Variants in NMNAT2 observed in about 807,000 individuals in gnomAD.
The protein encoded by NMNAT2 is nicotinamide nucleotide adenylyltransferase 2.
NMNAT2 carries 11 observed loss-of-function variants against 41.6 expected under a neutral mutation model. That is an observed-to-expected ratio of 0.26 (90% confidence interval 0.17 to 0.44). The LOEUF (loss-of-function observed/expected upper bound fraction) is 0.44. Among genes scored for constraint, NMNAT2 ranks in the 20% least tolerant of loss-of-function variants. The pLI is 1.00. For synonymous variants in NMNAT2, 148 were observed against 151.2 expected, an observed-to-expected ratio of 0.98 and a Z score of 0.16; for missense variants, 288 against 407.7, an observed-to-expected ratio of 0.71 and a Z score of 2.53.
At chr1:183,262,209 G>A (rs901164038) in intron 8 of NMNAT2, among the ~76,000 whole-genome samples, 6 of 151,876 alleles carry the variant, frequency 4.0e-5, no homozygotes, top group Non-Finnish European at 7.4e-5. Context: ...GAAATTACAG[G>A]TGTGAGCCAT....
intron 1 of NMNAT2, among the ~76,000 whole-genome samples, chr1:183,393,714 C>A (rs1219738494): frequency 1.3e-5 from 2 of 152,164 alleles, no homozygotes; most frequent in Non-Finnish European, 1.5e-5. Flanking sequence ...CACCACCACG[C>A]CCGGCTAATT....
intron 1 of NMNAT2, among the ~76,000 whole-genome samples, chr1:183,330,839 A>G (rs16860810): frequency 0.082 from 12,473 of 152,194 alleles, 536 homozygotes; most frequent in Admixed American, 0.11. Flanking sequence ...GTCCTTTCAG[A>G]TATCTAGAGT....
At chr1:183,262,869 T>G (rs748875324) in intron 8 of NMNAT2, among the ~76,000 whole-genome samples, 1 of 152,230 alleles carries the variant, frequency 6.6e-6, no homozygotes, top group Admixed American at 6.5e-5. Flanking sequence ...GGTAGGTGGC[T>G]TCTAAGCAGC....
chr1:183,259,332 C>T (rs918384958), intron 10 of NMNAT2, among the ~76,000 whole-genome samples: 6 of 152,112 alleles, frequency 3.9e-5, no homozygotes, highest in Non-Finnish European at 7.4e-5. Context: ...GGATGTTACC[C>T]TTGTGAGTGT....
chr1:183,407,313 T>C (rs1232875569), intron 1 of NMNAT2, among the ~76,000 whole-genome samples: 2 of 152,220 alleles, frequency 1.3e-5, no homozygotes, highest in African/African-American at 2.4e-5. Flanking sequence ...CTTTTCTATA[T>C]TGAGGCAAGA....
At chr1:183,410,095 G>A (rs1382563503) in intron 1 of NMNAT2, among the ~76,000 whole-genome samples, 2 of 151,580 alleles carry the variant, frequency 1.3e-5, no homozygotes, top group Non-Finnish European at 2.9e-5. Flanking sequence ...GATCACCTGA[G>A]GTCAGGAGTT....
intron 10 of NMNAT2, among the ~76,000 whole-genome samples, chr1:183,260,202 G>T (rs978534102): frequency 1.3e-5 from 2 of 152,186 alleles, no homozygotes; most frequent in Non-Finnish European, 2.9e-5. Context: ...TCACCTTAAA[G>T]ACAAAGCTTC....
chr1:183,389,740 GAAAGAAAGAAAGAAAGA>G (rs1648383820), intron 1 of NMNAT2, among the ~76,000 whole-genome samples: 1 of 6,306 alleles, frequency 1.6e-4, no homozygotes, highest in Non-Finnish European at 3.1e-4. Context: ...TGTCAAAAAA[GAAAGAAAGAAAGAAAGA>G]AAGAAAGAAA....
intron 1 of NMNAT2, among the ~76,000 whole-genome samples, chr1:183,415,787 C>A (rs1223835052): frequency 6.6e-6 from 1 of 152,176 alleles, no homozygotes; most frequent in Non-Finnish European, 1.5e-5. Flanking sequence ...CTCAAAGATT[C>A]CAATAAGACA....
intron 1 of NMNAT2, among the ~76,000 whole-genome samples, chr1:183,296,856 T>G (rs1661715732): frequency 6.6e-6 from 1 of 152,110 alleles, no homozygotes. Context: ...TCACTTGTTT[T>G]CAGATCTTAT....
intron 1 of NMNAT2, among the ~76,000 whole-genome samples, chr1:183,370,689 G>T (rs1205567276): frequency 2.6e-5 from 4 of 152,166 alleles, no homozygotes; most frequent in Admixed American, 2.0e-4. Context: ...ATTGATTCTG[G>T]GGGAATGAAA....
At position 183,252,552 on chromosome 1, in the gene NMNAT2, CGAG is replaced by C. The variant is rs1260229015; in HGVS notation, c.*86_*88del. 2.8e-5 allele frequency: 27 copies of C among 953,818 alleles called. No homozygotes were observed. Among genetic ancestry groups the C allele is most frequent in the Non-Finnish European group, 4.3e-5 (25 of 581,098 alleles). 59.1% of individuals were successfully genotyped at this position (953,818 alleles called of 1,614,324 possible). ...CAGCAAGTAGGGAAAACAGTCAAGACGAGGAGATGGAGAAACAGAGAGGCAGGA... is the reference window on the plus strand; with the variant it reads ...CAGCAAGTAGGGAAAACAGTCAAGACGAGATGGAGAAACAGAGAGGCAGGA... On this transcript the variant is annotated 3_prime_UTR_variant, in exon 11 of 11. Coordinates refer to ENST00000287713, the MANE Select transcript of NMNAT2 (RefSeq NM_015039.4).
intron 1 of NMNAT2, among the ~76,000 whole-genome samples, chr1:183,294,742 A>C (rs941264673): frequency 1.1e-4 from 16 of 152,154 alleles, no homozygotes; most frequent in African/African-American, 3.6e-4. Context: ...GTGAGCTGAG[A>C]TCGTGCCACT....
chr1:183,395,578 T>G (rs1431871410), intron 1 of NMNAT2, among the ~76,000 whole-genome samples: 2 of 152,068 alleles, frequency 1.3e-5, no homozygotes, highest in Non-Finnish European at 2.9e-5. Context: ...TTTACTGAAA[T>G]TTACATCACT....
intron 1 of NMNAT2, among the ~76,000 whole-genome samples, chr1:183,412,142 G>C (rs74613741): frequency 6.6e-6 from 1 of 152,222 alleles, no homozygotes; most frequent in East Asian, 1.9e-4. Context: ...ACAGAGATAC[G>C]GAGCTCTGGA....
intron 8 of NMNAT2, among the ~76,000 whole-genome samples, chr1:183,268,921 A>T (rs544130183): frequency 6.6e-6 from 1 of 152,194 alleles, no homozygotes; most frequent in East Asian, 1.9e-4. Context: ...GTGTGTTGGC[A>T]CGTGCCTGAG....
At chr1:183,410,908 G>A (rs1649099371) in intron 1 of NMNAT2, among the ~76,000 whole-genome samples, 1 of 151,896 alleles carries the variant, frequency 6.6e-6, no homozygotes, top group South Asian at 2.1e-4. Context: ...TGTAGAGATG[G>A]GGTCTCATTA....
At chr1:183,321,259 C>A (rs1016444380) in intron 1 of NMNAT2, among the ~76,000 whole-genome samples, 1 of 152,180 alleles carries the variant, frequency 6.6e-6, no homozygotes, top group Non-Finnish European at 1.5e-5. Context: ...TTTTCCTTTA[C>A]TCTTTCCTTT....
At chr1:183,414,021 T>C (rs543248367) in intron 1 of NMNAT2, among the ~76,000 whole-genome samples, 2 of 152,372 alleles carry the variant, frequency 1.3e-5, no homozygotes, top group South Asian at 4.1e-4. Flanking sequence ...CCTGAATGAA[T>C]GACTCCTTGC....
Sources: gnomAD v4.1 joint callset for allele counts (sites outside exome capture counted in the v4.1 genomes callset) on GRCh38, gnomAD v4.1.1 for gene constraint, MANE v1.5 for transcripts, NCBI Gene and HGNC (gene_info 2026-07-23, HGNC 2026-07-21) for gene names.